The following ITPR2 variants were observed in gnomAD, a reference collection of about 807,000 sequenced individuals.
ITPR2 encodes inositol 1,4,5-trisphosphate receptor type 2.
In ITPR2, 207 loss-of-function variants were observed where a neutral mutation model predicts 317.1. The ratio of observed to expected loss-of-function variants is 0.65; its 90% CI spans 0.58 to 0.73. ITPR2 has a LOEUF of 0.73. Among genes scored for constraint, ITPR2 ranks in the 30% least tolerant of loss-of-function variants. ITPR2 has a pLI of 0.00. For synonymous variants in ITPR2, 1,156 were observed against 1,149.1 expected, an observed-to-expected ratio of 1.01 and a Z score of -0.12; for missense variants, 2,613 against 3,284.0, an observed-to-expected ratio of 0.80 and a Z score of 4.99.
At chr12:26,681,821 T>C in intron 13 of ITPR2, 53 bp downstream of exon 13, 1 of 1,313,136 alleles carries the variant, frequency 7.6e-7, no homozygotes. Context: ...TCAGGCTTAC[T>C]ATAACAATTG....
intron 37 of ITPR2, among the ~76,000 whole-genome samples, chr12:26,516,300 A>AGGAAG (rs1943508246): frequency 4.7e-4 from 32 of 67,404 alleles, no homozygotes; most frequent in South Asian, 3.8e-3. Flanking sequence ...AGGAAAGGAA[A>AGGAAG]GGAAAGGAAA....
intron 2 of ITPR2, among the ~76,000 whole-genome samples, chr12:26,763,175 T>C (rs1033392911): frequency 6.6e-6 from 1 of 152,138 alleles, no homozygotes; most frequent in Non-Finnish European, 1.5e-5. Flanking sequence ...GGGGCATATA[T>C]GCTTCATTTA....
intron 2 of ITPR2, among the ~76,000 whole-genome samples, chr12:26,779,681 A>C (rs1219167850): frequency 1.3e-5 from 2 of 152,204 alleles, no homozygotes; most frequent in East Asian, 3.9e-4. Flanking sequence ...GTAGCACTAC[A>C]GCCCCTTTCT....
At chr12:26,509,290 G>A (rs1468097659) in intron 37 of ITPR2, among the ~76,000 whole-genome samples, 1 of 152,190 alleles carries the variant, frequency 6.6e-6, no homozygotes, top group Non-Finnish European at 1.5e-5. Context: ...TTTTAGGGGT[G>A]ATGAAAATGT....
chr12:26,598,490 C>T (rs189788130), intron 30 of ITPR2, among the ~76,000 whole-genome samples: 155 of 152,290 alleles, frequency 1.0e-3, no homozygotes, highest in East Asian at 2.7e-3. Flanking sequence ...ATTTAATCAA[C>T]GGGCTCTTTA....
rs377694455 is a variant in ITPR2, at chr12:26,757,043, A to G, written c.164-31278T>C. Reference sequence around the variant, plus strand: ...GCTACATTTCCACCAGTGCCGTGACAGTTTACAAATGCCATGGCAATGTCA... The same window carrying G: ...GCTACATTTCCACCAGTGCCGTGACGGTTTACAAATGCCATGGCAATGTCA... On this transcript the variant is annotated intron_variant, in intron 2 of 56. Coordinates refer to ENST00000381340, the MANE Select transcript of ITPR2 (RefSeq NM_002223.4). Among the ~76,000 whole-genome samples, 111 of 152,328 alleles carry G rather than the reference A, an allele frequency of 7.3e-4. No homozygotes were observed. In the Middle Eastern group the frequency reaches 0.01, roughly 14 times the overall value.
rs564852255 is a variant in ITPR2, at chr12:26,590,610, A to C, written c.4380+4855T>G. Among the ~76,000 whole-genome samples the C allele has an allele frequency of 5.3e-5, 8 of 152,352 alleles. No homozygotes were observed. The East Asian group carries it at 1.5e-3, about 29-fold the overall frequency. On this transcript the variant is annotated intron_variant, in intron 32 of 56. Transcript: ENST00000381340. ...TATACCCCTATCTCTCATGATATACAAAAATCAAATCAAAATGGATTAAAG... is the reference window on the plus strand; with the variant it reads ...TATACCCCTATCTCTCATGATATACCAAAATCAAATCAAAATGGATTAAAG...
At chr12:26,582,293 TTTTAA>T (rs200512589) in intron 32 of ITPR2, among the ~76,000 whole-genome samples, 4 of 146,394 alleles carry the variant, frequency 2.7e-5, no homozygotes, top group Admixed American at 1.3e-4. Context: ...TTTTCTTTTA[TTTTAA>T]TTTATTTTCT....
chr12:26,703,548 A>C (rs532417181), intron 9 of ITPR2, among the ~76,000 whole-genome samples: 1 of 152,292 alleles, frequency 6.6e-6, no homozygotes, highest in South Asian at 2.1e-4. Flanking sequence ...CCATTCCCTA[A>C]CTGTGACAAT....
In ITPR2 at chr12:26,602,481, T is replaced by C; in HGVS notation, c.3567A>G (p.Leu1189=). The part of the protein sequence containing the change: ...YRIVKEILIR[L]SKLCVQNKKC... ...TTTTATTCTGCACACAGAGTTTACTTAGCCTGATCAAAATCTTTAAAAGGA... is the reference window on the plus strand; with the variant it reads ...TTTTATTCTGCACACAGAGTTTACTCAGCCTGATCAAAATCTTTAAAAGGA... Residue 1189 remains leucine, a synonymous_variant, in exon 28 of 57, where the codon CTA becomes CTG. Transcript: ENST00000381340. 1.2e-6 allele frequency: 2 copies of C among 1,610,694 alleles called. No homozygotes were observed. The highest frequency in any genetic ancestry group is 1.7e-5 in the Admixed American group (1 of 59,816).
intron 45 of ITPR2, among the ~76,000 whole-genome samples, chr12:26,462,574 G>C (rs1482725430): frequency 2.6e-5 from 4 of 151,940 alleles, no homozygotes; most frequent in Admixed American, 2.6e-4. Flanking sequence ...GACTAAATGA[G>C]AATTAGTTGG....
At chr12:26,596,839 T>C in intron 31 of ITPR2, 44 bp downstream of exon 31, 1 of 1,483,020 alleles carries the variant, frequency 6.7e-7, no homozygotes, top group Non-Finnish European at 9.0e-7. Context: ...CTTCAAAAAT[T>C]AATAATGATT....
At chr12:26,483,671 T>C in intron 42 of ITPR2, 27 bp downstream of exon 42, 1 of 1,538,438 alleles carries the variant, frequency 6.5e-7, no homozygotes, top group Non-Finnish European at 9.0e-7. Context: ...ATCCCTTTAC[T>C]AATTAGTCAT....
chr12:26,548,797 G>T lies in ITPR2; in HGVS notation c.5073+1450C>A, dbSNP rs568175036. ...ATTTTCTCAACAGGAGGTAATAAAA[G>T]CCTGAACTAGTGATAGCAGTGGGAA... is the stretch of plus-strand genomic sequence containing the variant. On this transcript the variant is annotated intron_variant, in intron 37 of 56. Transcript: ENST00000381340. Among the ~76,000 whole-genome samples the T allele has an allele frequency of 6.6e-5, 10 of 152,276 alleles. No homozygotes were observed. In the East Asian group the frequency reaches 1.9e-3, roughly 29 times the overall value.
At chr12:26,521,390 C>T (rs1943660931) in intron 37 of ITPR2, among the ~76,000 whole-genome samples, 1 of 151,988 alleles carries the variant, frequency 6.6e-6, no homozygotes, top group African/African-American at 2.4e-5. Flanking sequence ...CTTGGTAATG[C>T]ACTATGACAG....
At chr12:26,764,857 A>G (rs1253718298) in intron 2 of ITPR2, among the ~76,000 whole-genome samples, 3 of 152,066 alleles carry the variant, frequency 2.0e-5, no homozygotes, top group African/African-American at 7.2e-5. Context: ...TTTTAATGAC[A>G]CTTATATTTC....
chr12:26,522,782 T>C (rs553309008), intron 37 of ITPR2, among the ~76,000 whole-genome samples: 1 of 152,274 alleles, frequency 6.6e-6, no homozygotes, highest in South Asian at 2.1e-4. Context: ...GAATTTACCT[T>C]AAGCAAATTC....
At chr12:26,510,925 CGTGTT>C (rs1365644236) in intron 37 of ITPR2, among the ~76,000 whole-genome samples, 1 of 152,098 alleles carries the variant, frequency 6.6e-6, no homozygotes, top group Non-Finnish European at 1.5e-5. Context: ...GTTCACTAGA[CGTGTT>C]GGGGGCAGAA....
intron 2 of ITPR2, among the ~76,000 whole-genome samples, chr12:26,727,294 T>C (rs1948946047): frequency 1.3e-5 from 2 of 152,234 alleles, no homozygotes. Flanking sequence ...CAGACTCTTT[T>C]GACTATCCTA....
Sources: allele counts gnomAD v4.1 joint callset (sites outside exome capture counted in the v4.1 genomes callset), GRCh38; gene constraint gnomAD v4.1.1; transcripts MANE v1.5; gene names NCBI Gene and HGNC (gene_info 2026-07-23, HGNC 2026-07-21).